Variants in PTPRN2 observed in about 807,000 individuals in gnomAD.
PTPRN2 encodes the protein receptor-type tyrosine-protein phosphatase N2.
A neutral mutation model predicts 118.8 loss-of-function variants in PTPRN2; 74 were observed. The ratio of observed to expected loss-of-function variants is 0.62; its 90% confidence interval spans 0.52 to 0.76. The LOEUF (loss-of-function observed/expected upper bound fraction) is 0.76. Ranked by LOEUF, PTPRN2 falls within the 30% of genes least tolerant of loss-of-function variation. PTPRN2 has a pLI of 0.00. For synonymous variants in PTPRN2, 641 were observed against 608.0 expected, an observed-to-expected ratio of 1.05 and a Z score of -0.80; for missense variants, 1,481 against 1,394.4, an observed-to-expected ratio of 1.06 and a Z score of -0.99.
intron 12 of PTPRN2, among the ~76,000 whole-genome samples, chr7:157,840,818 A>G (rs1052430258): frequency 2.0e-5 from 3 of 152,220 alleles, no homozygotes; most frequent in African/African-American, 7.2e-5. Context: ...AGGACCCCTG[A>G]AGAGGAGCCC....
intron 11 of PTPRN2, among the ~76,000 whole-genome samples, chr7:158,002,593 C>G (rs966185899): frequency 8.5e-5 from 13 of 152,170 alleles, no homozygotes; most frequent in African/African-American, 3.1e-4. Context: ...CCCTCCCTCC[C>G]TGGAGCTTAG....
At chr7:158,324,647 A>T (rs1369661594) in intron 2 of PTPRN2, among the ~76,000 whole-genome samples, 1 of 151,672 alleles carries the variant, frequency 6.6e-6, no homozygotes, top group African/African-American at 2.4e-5. Context: ...CCAGCTCCAT[A>T]AGTGAAGCAG....
At chr7:158,070,720 G>A (rs1256408283) in intron 11 of PTPRN2, among the ~76,000 whole-genome samples, 1 of 131,454 alleles carries the variant, frequency 7.6e-6, no homozygotes, top group African/African-American at 3.3e-5. Context: ...AGGTGCCTGT[G>A]GTGTGGAGGT....
At position 158,166,988 on chromosome 7, in the gene PTPRN2, G is replaced by A. The variant is rs1206840546; in HGVS notation, c.853C>T (p.Pro285Ser). 2.7e-6 allele frequency: 4 copies of A among 1,459,242 alleles called. No homozygotes were observed. In the African/African-American group the frequency reaches 4.3e-5, roughly 16 times the overall value. 90.4% of individuals were successfully genotyped at this position (1,459,242 alleles called of 1,614,324 possible). The change falls in exon 6 of 23, where the codon CCC (proline) becomes TCC (serine). Residue 285 changes from proline to serine, a missense_variant. Pro to Ser is a moderately conservative substitution (Grantham distance 74). This residue lies in a region of PTPRN2 where 1,115 missense variants were observed against 994.2 expected (regional missense o/e 1.12). Transcript: ENST00000389418. ...MPRPLLAPAA[P>S]QKWPSPLGDS... ...CCCAGAGGTGAAGGCCACTTCTGGGGGGCGGCTGGTGCCAGCAAAGGCCTG... is the reference window on the plus strand; with the variant it reads ...CCCAGAGGTGAAGGCCACTTCTGGGAGGCGGCTGGTGCCAGCAAAGGCCTG...
chr7:157,642,391 GA>G (rs758224860), intron 14 of PTPRN2, among the ~76,000 whole-genome samples: 8 of 152,218 alleles, frequency 5.3e-5, no homozygotes, highest in Admixed American at 3.9e-4. Flanking sequence ...TTTACACAAA[GA>G]ATCAGATAAC....
intron 21 of PTPRN2, among the ~76,000 whole-genome samples, chr7:157,551,619 TCCCACAGCCACCACGCACCCCACACAC>T (rs1798613426): frequency 4.2e-5 from 1 of 23,818 alleles, no homozygotes; most frequent in African/African-American, 1.8e-4. Context: ...CCACCACGCA[TCCCACAGCCACCACGCACCCCACACAC>T]CCCACAGCCA....
chr7:158,073,407 G>T (rs889829195), intron 11 of PTPRN2, among the ~76,000 whole-genome samples: 1 of 152,160 alleles, frequency 6.6e-6, no homozygotes, highest in Non-Finnish European at 1.5e-5. Context: ...TGGCTTCAGG[G>T]CCGCACTGGC....
intron 2 of PTPRN2, among the ~76,000 whole-genome samples, chr7:158,404,563 T>G (rs757257042): frequency 6.6e-6 from 1 of 152,062 alleles, no homozygotes; most frequent in African/African-American, 2.4e-5. Flanking sequence ...AAATCCCTGT[T>G]TGGTTATATC....
At chr7:158,014,730 C>T (rs928369773) in intron 11 of PTPRN2, among the ~76,000 whole-genome samples, 2 of 152,004 alleles carry the variant, frequency 1.3e-5, no homozygotes, top group Non-Finnish European at 2.9e-5. Context: ...CCCATCCGGC[C>T]AGCCAGCCAG....
At chr7:157,812,773 C>A (rs987112710) in intron 12 of PTPRN2, among the ~76,000 whole-genome samples, 17 of 152,150 alleles carry the variant, frequency 1.1e-4, no homozygotes, top group Non-Finnish European at 1.5e-5. Flanking sequence ...TGACCCACCA[C>A]AGATGGGTAG....
chr7:157,772,561 C>T lies in PTPRN2; in HGVS notation c.1789-89624G>A, dbSNP rs548276198. Among the ~76,000 whole-genome samples the T allele has an allele frequency of 1.6e-4, 25 of 152,302 alleles. No homozygotes were observed. The East Asian group carries it at 4.3e-3, about 26-fold the overall frequency. On this transcript the variant is annotated intron_variant, in intron 12 of 22. Coordinates refer to ENST00000389418, the MANE Select transcript of PTPRN2 (RefSeq NM_002847.5). The stretch of plus-strand genomic sequence containing the variant: ...CAGGTGCAGCTCCTGCTCCCGGAAC[C>T]GCCTGTGAACGACTGTGACCTGGGC...
intron 2 of PTPRN2, among the ~76,000 whole-genome samples, chr7:158,411,508 G>C (rs188974419): frequency 6.6e-6 from 1 of 152,168 alleles, no homozygotes; most frequent in South Asian, 2.1e-4. Context: ...GGGAGCCAAG[G>C]CACCTGCAAG....
At chr7:158,039,901 G>A (rs907659717) in intron 11 of PTPRN2, among the ~76,000 whole-genome samples, 5 of 152,158 alleles carry the variant, frequency 3.3e-5, no homozygotes, top group African/African-American at 1.2e-4. Context: ...TGATTTGAGA[G>A]CTGGAAACTC....
rs1364925452 is a variant in PTPRN2 at position 157,903,185 on chromosome 7, G to A, written c.1724-4448C>T. ...AACTACACTCATCAGAGAACCACAT[G>A]CGCTCACATGGAAGTGGGGACCAGA... is the stretch of plus-strand genomic sequence containing the variant. On this transcript the variant is annotated intron_variant, in intron 11 of 22. Coordinates refer to ENST00000389418, the MANE Select transcript of PTPRN2 (RefSeq NM_002847.5). This position sits in a 1 kb window ranked among gnomAD's most constrained non-coding sequence, Gnocchi z 4.2. 6.6e-6 allele frequency among the ~76,000 whole-genome samples: 1 copy of A among 152,114 alleles called. No individual in the cohort carries two copies. The highest frequency in any genetic ancestry group is 2.4e-5 in the African/African-American group (1 of 41,414).
At chr7:157,697,729 A>G (rs1453323369) in intron 12 of PTPRN2, among the ~76,000 whole-genome samples, 31 of 119,764 alleles carry the variant, frequency 2.6e-4, no homozygotes, top group East Asian at 2.9e-4. Flanking sequence ...TGCATACTGG[A>G]TCTTGGCAGA....
At position 157,787,848 on chromosome 7, in the gene PTPRN2, T is replaced by C. The variant is rs1026022288; in HGVS notation, c.1789-104911A>G. ...AGGGCTGGGGTGGGCTGTTCCCCTC[T>C]TGGCATCTCCCTCACACCTCTGCAC... is the stretch of plus-strand genomic sequence containing the variant. On this transcript the variant is annotated intron_variant, in intron 12 of 22. Coordinates refer to ENST00000389418, the MANE Select transcript of PTPRN2 (RefSeq NM_002847.5). The surrounding 1 kb of genome is among the most constrained non-coding windows in gnomAD (Gnocchi z 5.3). Among the ~76,000 whole-genome samples the C allele has an allele frequency of 6.6e-6, 1 of 152,138 alleles. No individual in the cohort carries two copies. Among genetic ancestry groups the C allele is most frequent in the Non-Finnish European group, 1.5e-5 (1 of 68,010 alleles).
At chr7:158,163,511 C>T (rs527588717) in intron 6 of PTPRN2, among the ~76,000 whole-genome samples, 19 of 146,822 alleles carry the variant, frequency 1.3e-4, no homozygotes, top group Non-Finnish European at 3.0e-5. Context: ...TCAATTCTCT[C>T]TTCTTATTTC....
intron 10 of PTPRN2, among the ~76,000 whole-genome samples, chr7:158,083,055 C>G (rs1167386716): frequency 1.3e-5 from 2 of 152,210 alleles, no homozygotes; most frequent in Non-Finnish European, 2.9e-5. Flanking sequence ...CCTCTCAAAG[C>G]CCTACTCCCG....
At chr7:157,724,196 C>T (rs1156797436) in intron 12 of PTPRN2, among the ~76,000 whole-genome samples, 1 of 152,076 alleles carries the variant, frequency 6.6e-6, no homozygotes, top group Admixed American at 6.6e-5. Context: ...TTAGGCTTCC[C>T]CCGTCTGAAT....
Sources: gnomAD v4.1 joint callset for allele counts (sites outside exome capture counted in the v4.1 genomes callset) on GRCh38, gnomAD v4.1.1 for gene constraint, gnomAD v4.1.1 regional missense constraint, Gnocchi (gnomAD v3.1) non-coding constraint, MANE v1.5 for transcripts, NCBI Gene and HGNC (gene_info 2026-07-23, HGNC 2026-07-21) for gene names.